Variants in RNF144B observed in about 807,000 individuals in gnomAD.
RNF144B encodes ring finger protein 144B.
A neutral mutation model predicts 40.2 loss-of-function variants in RNF144B; 25 were observed. The ratio of observed to expected loss-of-function variants is 0.62; its 90% CI spans 0.45 to 0.87. The LOEUF (loss-of-function observed/expected upper bound fraction) is 0.87, where lower values mean the gene tolerates loss of function less well. Ranked by LOEUF, RNF144B falls within the 40% of genes least tolerant of loss-of-function variation. The pLI, the probability that RNF144B is intolerant of heterozygous loss-of-function variation, is 0.00. For missense variants in RNF144B, 365 were observed against 373.7 expected, an observed-to-expected ratio of 0.98 and a Z score of 0.19; for synonymous variants, 145 against 136.3, an observed-to-expected ratio of 1.06 and a Z score of -0.44.
At chr6:18,431,466 A>G (rs1285738653) in intron 3 of RNF144B, among the ~76,000 whole-genome samples, 1 of 152,176 alleles carries the variant, frequency 6.6e-6, no homozygotes, top group African/African-American at 2.4e-5. Context: ...CTTGCTTTAG[A>G]TCAAGATTTT....
At position 18,444,376 on chromosome 6, in the gene RNF144B, CT is replaced by C. The variant is rs1264743175; in HGVS notation, c.331+4635del. ...GCATGGATTAATGATCACTGCTTTA[CT>C]TTCCAGTGGTTCTCAAAGTACATGC... On this transcript the variant is annotated intron_variant, in intron 4 of 7. Transcript: ENST00000259939. This position sits in a 1 kb window ranked among gnomAD's most constrained non-coding sequence, Gnocchi z 4.3. Among the ~76,000 whole-genome samples the C allele has an allele frequency of 6.6e-6, 1 of 152,172 alleles. No homozygotes were observed. The highest frequency in any genetic ancestry group is 1.5e-5 in the Non-Finnish European group (1 of 68,034).
At chr6:18,462,191 C>T (rs755391955) in intron 6 of RNF144B, among the ~76,000 whole-genome samples, 1 of 152,216 alleles carries the variant, frequency 6.6e-6, no homozygotes, top group Non-Finnish European at 1.5e-5. Flanking sequence ...AGCCTAATCA[C>T]CTCTTGCTAC....
intron 2 of RNF144B, among the ~76,000 whole-genome samples, chr6:18,421,966 T>C (rs1361925882): frequency 6.6e-6 from 1 of 152,188 alleles, no homozygotes; most frequent in Non-Finnish European, 1.5e-5. Context: ...CAGGTTTTCC[T>C]ATCAGTCCTT....
chr6:18,455,568 C>T (rs940194480), intron 4 of RNF144B, among the ~76,000 whole-genome samples: 7 of 152,236 alleles, frequency 4.6e-5, no homozygotes, highest in African/African-American at 4.8e-5. Context: ...AGCCCTAGGA[C>T]GTTTAAAACT....
intron 3 of RNF144B, among the ~76,000 whole-genome samples, chr6:18,439,273 T>A (rs1758893618): frequency 6.6e-6 from 1 of 152,204 alleles, no homozygotes; most frequent in Non-Finnish European, 1.5e-5. Context: ...GCTGTCTACC[T>A]GACTTTAGTT....
At position 18,422,963 on chromosome 6, in the gene RNF144B, A is replaced by G. The variant is rs1303379568; in HGVS notation, c.166-4618A>G. Among the ~76,000 whole-genome samples, 5 of 151,882 alleles carry G rather than the reference A, an allele frequency of 3.3e-5. No individual in the cohort carries two copies. The highest frequency in any genetic ancestry group is 7.4e-5 in the Non-Finnish European group (5 of 67,964). On this transcript the variant is annotated intron_variant, in intron 2 of 7. Transcript: ENST00000259939. The surrounding 1 kb of genome is among the most constrained non-coding windows in gnomAD (Gnocchi z 4.7). ...CAAGACCCAGTCTCAAAAAAAAAAA[A>G]AAATCAACTAATGGCACTCATTACC... is the stretch of plus-strand genomic sequence containing the variant.
rs148880848 is a variant in RNF144B, at chr6:18,448,317, C to T, written c.331+8573C>T. Among the ~76,000 whole-genome samples, 164 of 152,028 alleles carry T rather than the reference C, an allele frequency of 1.1e-3. 1 individual carries two copies. The highest frequency in any genetic ancestry group is 3.7e-3 in the African/African-American group (155 of 41,470). On this transcript the variant is annotated intron_variant, in intron 4 of 7. Transcript: ENST00000259939. The surrounding 1 kb of genome is among the most constrained non-coding windows in gnomAD (Gnocchi z 4.0). Reference sequence around the variant, plus strand: ...GATTTACTTGGGGGTAGGTTTAGGTCATCTCTATCAGGAAAGAAGGTGGAG... The same window carrying T: ...GATTTACTTGGGGGTAGGTTTAGGTTATCTCTATCAGGAAAGAAGGTGGAG...
rs557801004 is a variant in RNF144B at position 18,439,495 on chromosome 6, G to A, written c.271-189G>A. Among the ~76,000 whole-genome samples, 142 of 152,292 alleles carry A rather than the reference G, an allele frequency of 9.3e-4. 1 individual carries two copies. Among genetic ancestry groups the A allele is most frequent in the African/African-American group, 3.1e-3 (130 of 41,566 alleles). ...TTCAGCAGTGATTCTCAGCTATGGT[G>A]GTGGAGTGGGGATGACTTGAAAATT... On this transcript the variant is annotated intron_variant, in intron 3 of 7. Transcript: ENST00000259939.
At chr6:18,454,581 T>C (rs1356110136) in intron 4 of RNF144B, among the ~76,000 whole-genome samples, 1 of 152,234 alleles carries the variant, frequency 6.6e-6, no homozygotes, top group African/African-American at 2.4e-5. Context: ...TGGACCTTTA[T>C]GTGCTGTCAT....
chr6:18,450,503 T>C lies in RNF144B; in HGVS notation c.332-6652T>C, dbSNP rs1328087251. 6.6e-6 allele frequency among the ~76,000 whole-genome samples: 1 copy of C among 152,184 alleles called. No homozygotes were observed. Among genetic ancestry groups the C allele is most frequent in the Non-Finnish European group, 1.5e-5 (1 of 68,032 alleles). ...AGTAGAGAAGGTGTTTTCACTATGT[T>C]GGCCAGGCTGGTCTCGAACTCCTGA... On this transcript the variant is annotated intron_variant, in intron 4 of 7. Transcript: ENST00000259939. This position sits in a 1 kb window ranked among gnomAD's most constrained non-coding sequence, Gnocchi z 4.7.
chr6:18,466,164 A>G lies in RNF144B; in HGVS notation c.*1097A>G, dbSNP rs1455774457. The G allele has an allele frequency of 1.3e-5, 2 of 152,216 alleles. No individual in the cohort carries two copies. Among genetic ancestry groups the G allele is most frequent in the Non-Finnish European group, 2.9e-5 (2 of 68,026 alleles). 9.4% of individuals were successfully genotyped at this position (152,216 alleles called of 1,614,324 possible). A position where few individuals can be genotyped will look rare whatever the true frequency, so the allele number is the denominator to read the frequency against. ...GTAAATCTGCCTAAAGATTTTTTGC[A>G]TATTATATATGTGAATTTTGGTTGT... is the stretch of plus-strand genomic sequence containing the variant. On this transcript the variant is annotated 3_prime_UTR_variant, in exon 8 of 8. Transcript: ENST00000259939.
chr6:18,410,551 AAC>A lies in RNF144B; in HGVS notation c.165+10856_165+10857del, dbSNP rs1795011785. 6.6e-6 allele frequency among the ~76,000 whole-genome samples: 1 copy of A among 152,126 alleles called. No homozygotes were observed. The highest frequency in any genetic ancestry group is 6.5e-5 in the Admixed American group (1 of 15,274). On this transcript the variant is annotated intron_variant, in intron 2 of 7. Transcript: ENST00000259939. The surrounding 1 kb of genome is among the most constrained non-coding windows in gnomAD (Gnocchi z 4.6). ...GGAAAAGAGGCCAGCCACATGTGAG[AAC>A]ACAGAATCAGGGAAGAGTGACCTGC...
Position 18,460,120 on chromosome 6 carries a change from G to C in RNF144B, c.681+369G>C, listed in dbSNP as rs191586115. The stretch of plus-strand genomic sequence containing the variant: ...TTATTATCCCACAGTTCTTCACTTT[G>C]GAAGTCTGACATAGGTCTTGCTGGA... On this transcript the variant is annotated intron_variant, in intron 6 of 7. Coordinates refer to ENST00000259939, the MANE Select transcript of RNF144B (RefSeq NM_182757.4). The surrounding 1 kb of genome is among the most constrained non-coding windows in gnomAD (Gnocchi z 4.4). Among the ~76,000 whole-genome samples the C allele has an allele frequency of 4.4e-4, 67 of 152,310 alleles. No individual in the cohort carries two copies. Among genetic ancestry groups the C allele is most frequent in the African/African-American group, 1.4e-3 (58 of 41,572 alleles).
intron 1 of RNF144B, 42 bp downstream of exon 1, chr6:18,387,672 A>C (rs1289281343): frequency 6.2e-6 from 8 of 1,283,404 alleles, no homozygotes; most frequent in Admixed American, 2.3e-5. Context: ...GCGTTGCAAG[A>C]CCGGAATGGT....
chr6:18,408,919 C>A (rs1794970769), intron 2 of RNF144B, among the ~76,000 whole-genome samples: 1 of 146,312 alleles, frequency 6.8e-6, no homozygotes, highest in Non-Finnish European at 1.5e-5. Context: ...ATGCCTCCAC[C>A]TATATAGTCC....
intron 4 of RNF144B, among the ~76,000 whole-genome samples, chr6:18,439,985 G>A (rs1380136826): frequency 2.6e-5 from 4 of 152,030 alleles, no homozygotes; most frequent in Non-Finnish European, 5.9e-5. Context: ...TTTTAATTTG[G>A]CTCATGTAAG....
chr6:18,400,712 A>C lies in RNF144B; in HGVS notation c.165+1013A>C, dbSNP rs772895800. On this transcript the variant is annotated intron_variant, in intron 2 of 7. Transcript: ENST00000259939. This position sits in a 1 kb window ranked among gnomAD's most constrained non-coding sequence, Gnocchi z 5.6. Reference sequence around the variant, plus strand: ...ATCTGTTGAGCAGGAACTATGTCCCAGGAATGGTTCTAGGCACGAGGATTT... The same window carrying C: ...ATCTGTTGAGCAGGAACTATGTCCCCGGAATGGTTCTAGGCACGAGGATTT... 6.6e-6 allele frequency among the ~76,000 whole-genome samples: 1 copy of C among 152,220 alleles called. No individual in the cohort carries two copies. Among genetic ancestry groups the C allele is most frequent in the Non-Finnish European group, 1.5e-5 (1 of 68,042 alleles).
intron 3 of RNF144B, among the ~76,000 whole-genome samples, chr6:18,439,068 T>A (rs753927689): frequency 2.1e-4 from 32 of 152,198 alleles, no homozygotes; most frequent in Non-Finnish European, 4.0e-4. Context: ...TTGGTTTATG[T>A]TGCCATCTGA....
intron 2 of RNF144B, among the ~76,000 whole-genome samples, chr6:18,401,320 C>T (rs1582401486): frequency 6.6e-6 from 1 of 152,208 alleles, no homozygotes; most frequent in South Asian, 2.1e-4. Context: ...CTTCTCATTT[C>T]TCTTTCAGCA....
Sources: gnomAD v4.1 joint callset for allele counts (sites outside exome capture counted in the v4.1 genomes callset) on GRCh38, gnomAD v4.1.1 for gene constraint, Gnocchi (gnomAD v3.1) non-coding constraint, MANE v1.5 for transcripts, NCBI Gene and HGNC (gene_info 2026-07-23, HGNC 2026-07-21) for gene names.